The following FBN1 variants were observed in gnomAD, a reference collection of about 807,000 sequenced individuals.
FBN1 encodes fibrillin 1.
A neutral mutation model predicts 365.1 loss-of-function variants in FBN1; 29 were observed. The observed-to-expected ratio is 0.08, with a 90% CI of 0.06 to 0.11. The LOEUF is 0.11. Ranked by LOEUF, FBN1 falls within the 10% of genes least tolerant of loss-of-function variation. FBN1 has a pLI of 1.00. For missense variants in FBN1, 2,476 were observed against 3,703.2 expected (o/e 0.67, Z 8.60); for synonymous variants, 1,210 against 1,270.5 (o/e 0.95, Z 1.01).
At chr15:48,622,025 TC>T in intron 2 of FBN1, among the ~76,000 whole-genome samples, 1 of 151,672 alleles carries the variant, frequency 6.6e-6, no homozygotes, top group Non-Finnish European at 1.5e-5. Flanking sequence ...AAAAATTGGT[TC>T]ATTAATTACA....
Position 48,412,610 on chromosome 15 carries a change from T to G in FBN1, c.8185A>C (p.Lys2729Gln), listed in dbSNP as rs370096856. Residue 2729 changes from lysine (K) to glutamine (Q), a missense_variant, in exon 65 of 66, where the codon AAA becomes CAA. Transcript: ENST00000316623. Reference protein sequence around the residue: ...KINGYPKRGRKRRSTNETDAS... With the variant: ...KINGYPKRGRQRRSTNETDAS... ...TCAGTTTCGTTTGTGCTTCTCCGTTTCCTGCCCCGTTTGGGGTAGCCATTG... is the reference window on the plus strand; with the variant it reads ...TCAGTTTCGTTTGTGCTTCTCCGTTGCCTGCCCCGTTTGGGGTAGCCATTG... The G allele has an allele frequency of 1.5e-4, 237 of 1,614,234 alleles. 4 individuals carry two copies. In the South Asian group the frequency reaches 2.5e-3, roughly 17 times the overall value.
intron 44 of FBN1, among the ~76,000 whole-genome samples, chr15:48,454,278 C>T (rs1289108638): frequency 6.6e-6 from 1 of 152,160 alleles, no homozygotes; most frequent in Non-Finnish European, 1.5e-5. Context: ...AAGACACCTG[C>T]TCAAATTACT....
intron 63 of FBN1, among the ~76,000 whole-genome samples, chr15:48,417,206 A>G (rs1341309005): frequency 3.3e-5 from 5 of 152,162 alleles, no homozygotes; most frequent in African/African-American, 1.2e-4. Context: ...AGGCACATTC[A>G]TTTATAAAGA....
intron 42 of FBN1, among the ~76,000 whole-genome samples, chr15:48,460,693 C>G (rs994156770): frequency 5.9e-5 from 9 of 152,020 alleles, no homozygotes; most frequent in Admixed American, 5.9e-4. Context: ...TTGAGGAACA[C>G]GTATAAAAGC....
At chr15:48,538,361 G>A (rs974007900) in intron 6 of FBN1, among the ~76,000 whole-genome samples, 4 of 152,084 alleles carry the variant, frequency 2.6e-5, no homozygotes, top group African/African-American at 9.7e-5. Flanking sequence ...TTTTGAGTTG[G>A]GGTCATCTTA....
At chr15:48,427,094 C>T (rs761372801) in intron 58 of FBN1, among the ~76,000 whole-genome samples, 7 of 152,160 alleles carry the variant, frequency 4.6e-5, no homozygotes, top group Non-Finnish European at 4.4e-5. Flanking sequence ...CTTCCTCATC[C>T]TGCTCTAGTT....
intron 6 of FBN1, among the ~76,000 whole-genome samples, chr15:48,543,834 G>A (rs552396598): frequency 5.1e-4 from 78 of 152,218 alleles, no homozygotes; most frequent in Admixed American, 8.5e-4. Flanking sequence ...GTGTGATAAC[G>A]GTATTGTGGT....
At chr15:48,597,554 A>G (rs1351674808) in intron 5 of FBN1, among the ~76,000 whole-genome samples, 1 of 152,110 alleles carries the variant, frequency 6.6e-6, no homozygotes, top group Non-Finnish European at 1.5e-5. Context: ...TCTGAAGACC[A>G]TTCCCTCCTA....
At chr15:48,488,034 C>G in intron 27 of FBN1, 79 bp downstream of exon 27, 5 of 1,590,854 alleles carry the variant, frequency 3.1e-6, no homozygotes, top group Non-Finnish European at 4.3e-6. Context: ...GCAGGAAGAA[C>G]CTGGAACATA....
At chr15:48,501,545 C>T (rs1422150843) in intron 17 of FBN1, among the ~76,000 whole-genome samples, 1 of 152,184 alleles carries the variant, frequency 6.6e-6, no homozygotes, top group Non-Finnish European at 1.5e-5. Flanking sequence ...TGGACTAAGA[C>T]AACTGCTTAA....
chr15:48,446,898 G>A (rs1246247815), intron 46 of FBN1, 76 bp from the exon 47 acceptor site: 1 of 962,196 alleles, frequency 1.0e-6, no homozygotes, highest in Non-Finnish European at 1.7e-6. Flanking sequence ...TGGCTAAAGA[G>A]CATTTTAGGG....
chr15:48,467,540 T>C (rs2043332813), intron 38 of FBN1, among the ~76,000 whole-genome samples: 1 of 152,212 alleles, frequency 6.6e-6, no homozygotes, highest in African/African-American at 2.4e-5. Context: ...TTCCATTTTA[T>C]AGTTGCTTAA....
intron 12 of FBN1, 32 bp downstream of exon 12, chr15:48,515,355 C>A (rs771039825): frequency 1.4e-5 from 23 of 1,612,930 alleles, no homozygotes; most frequent in Non-Finnish European, 1.7e-5. Context: ...TTACAACAGA[C>A]CCTTGGTGCC....
At chr15:48,643,725 G>A (rs754561261) in intron 2 of FBN1, 2 of 152,130 alleles carry the variant, frequency 1.3e-5, no homozygotes, top group African/African-American at 2.4e-5. Context: ...GCTCCTCCAA[G>A]AAGATAAAAG....
chr15:48,448,856 A>T lies in FBN1; in HGVS notation c.5583T>A (p.Ser1861Arg). 1 of 1,612,490 alleles carries T rather than the reference A, an allele frequency of 6.2e-7. No homozygotes were observed. The highest frequency in any genetic ancestry group is 2.2e-5 in the East Asian group (1 of 44,758). The part of the protein sequence containing the change: ...NECQEIPNIC[S>R]HGQCIDTVGS... ...CAACTGTGTCAATGCACTGCCCATG[A>T]CTGCATATATTGGGGATTTCTTGAC... Residue 1861 changes from serine (S) to arginine (R), a missense_variant, in exon 46 of 66, where the codon AGT (serine) becomes AGA (arginine). Ser to Arg is a moderately radical substitution (Grantham distance 110). Transcript: ENST00000316623.
intron 30 of FBN1, among the ~76,000 whole-genome samples, chr15:48,484,435 G>A (rs928703286): frequency 9.3e-5 from 14 of 151,082 alleles, no homozygotes; most frequent in African/African-American, 2.4e-4. Context: ...GCAATGGCGC[G>A]ATCTTGGCTC....
At chr15:48,425,609 A>G in intron 59 of FBN1, 118 bp from the exon 60 acceptor site, 1 of 1,544,556 alleles carries the variant, frequency 6.5e-7, no homozygotes, top group East Asian at 2.3e-5. Context: ...AACTCTGTGT[A>G]GACTTTGATG....
At chr15:48,523,710 T>TTTG (rs1491524329) in intron 9 of FBN1, among the ~76,000 whole-genome samples, 21 of 81,714 alleles carry the variant, frequency 2.6e-4, no homozygotes, top group African/African-American at 1.0e-3. Context: ...CAAGGGTGGC[T>TTTG]GGGGGGGGGG....
chr15:48,490,607 A>T (rs1181784522), intron 24 of FBN1, among the ~76,000 whole-genome samples: 1 of 152,250 alleles, frequency 6.6e-6, no homozygotes, highest in Non-Finnish European at 1.5e-5. Context: ...AAGAAAAGCC[A>T]TTCACTTTAC....
Sources: allele counts gnomAD v4.1 joint callset (sites outside exome capture counted in the v4.1 genomes callset), GRCh38; gene constraint gnomAD v4.1.1; transcripts MANE v1.5; gene names NCBI Gene and HGNC (gene_info 2026-07-23, HGNC 2026-07-21).